UBE2E2: variants seen among roughly 807,000 people sequenced by gnomAD.
UBE2E2 encodes the protein ubiquitin conjugating enzyme E2 E2.
A neutral mutation model predicts 24.7 loss-of-function variants in UBE2E2; 6 were observed. That is an observed-to-expected ratio of 0.24 (90% CI 0.13 to 0.48). The LOEUF is 0.48. UBE2E2 is among the 20% of genes least tolerant of loss of function. UBE2E2 has a pLI of 0.99. For missense variants in UBE2E2, 169 were observed against 245.0 expected, an observed-to-expected ratio of 0.69 and a Z score of 2.07; for synonymous variants, 104 against 83.6, an observed-to-expected ratio of 1.24 and a Z score of -1.33.
intron 3 of UBE2E2, among the ~76,000 whole-genome samples, chr3:23,385,539 G>C (rs188885033): frequency 6.6e-6 from 1 of 152,304 alleles, no homozygotes; most frequent in East Asian, 1.9e-4. Flanking sequence ...CTGTAATCCT[G>C]CCTTGTCTGT....
At chr3:23,303,913 C>T (rs1699174585) in intron 3 of UBE2E2, among the ~76,000 whole-genome samples, 1 of 152,136 alleles carries the variant, frequency 6.6e-6, no homozygotes, top group Non-Finnish European at 1.5e-5. Context: ...AAATTTCAAC[C>T]AATGTAATTA....
intron 3 of UBE2E2, among the ~76,000 whole-genome samples, chr3:23,489,552 G>C (rs567070806): frequency 6.6e-6 from 1 of 152,336 alleles, no homozygotes; most frequent in South Asian, 2.1e-4. Flanking sequence ...AACTCTTACT[G>C]TTTCCATGGT....
At chr3:23,293,190 G>A (rs947478044) in intron 3 of UBE2E2, among the ~76,000 whole-genome samples, 31 of 152,316 alleles carry the variant, frequency 2.0e-4, no homozygotes, top group African/African-American at 2.9e-4. Context: ...TCATCCTAAC[G>A]TTAGTCGTTG....
At chr3:23,401,806 G>A (rs1204105510) in intron 3 of UBE2E2, among the ~76,000 whole-genome samples, 3 of 149,536 alleles carry the variant, frequency 2.0e-5, no homozygotes, top group African/African-American at 4.9e-5. Context: ...TCAGCCTCCC[G>A]AGTAGCTTGG....
At position 23,229,793 on chromosome 3, in the gene UBE2E2, G is replaced by A. The variant is rs185088336; in HGVS notation, c.227+12481G>A. Among the ~76,000 whole-genome samples the A allele has an allele frequency of 6.3e-3, 963 of 152,286 alleles. 14 individuals are homozygous for A. The highest frequency in any genetic ancestry group is 0.021 in the African/African-American group (891 of 41,548). ...GTACAGTGGCCACTAGCCATATGTG[G>A]ACATCGAGTATTTGAAAGGTGACTA... On this transcript the variant is annotated intron_variant, in intron 3 of 5. Coordinates refer to ENST00000396703, the MANE Select transcript of UBE2E2 (RefSeq NM_152653.4).
intron 1 of UBE2E2, chr3:23,204,679 C>T (rs1319862277): frequency 4.1e-6 from 4 of 984,892 alleles, no homozygotes; most frequent in Non-Finnish European, 4.8e-6. Flanking sequence ...ATTCTCTTTC[C>T]CCTGCAGCAC....
At position 23,521,424 on chromosome 3, in the gene UBE2E2, T is replaced by C. The variant is rs554183714; in HGVS notation, c.361-11130T>C. 9.8e-5 allele frequency among the ~76,000 whole-genome samples: 15 copies of C among 152,368 alleles called. No individual in the cohort carries two copies. The South Asian group carries it at 1.7e-3, about 17-fold the overall frequency. ...AATTGTTGTTATGTATGAGACACTT[T>C]TGCAGTTCTAAAGCCAGAAATGAAT... On this transcript the variant is annotated intron_variant, in intron 4 of 5. Transcript: ENST00000396703.
chr3:23,403,646 C>T (rs1048349683), intron 3 of UBE2E2, among the ~76,000 whole-genome samples: 25 of 152,048 alleles, frequency 1.6e-4, no homozygotes, highest in African/African-American at 6.0e-4. Context: ...CATGGTGAAA[C>T]CCGGTCTCTA....
intron 5 of UBE2E2, among the ~76,000 whole-genome samples, chr3:23,557,788 T>G (rs1444057951): frequency 2.0e-5 from 3 of 152,194 alleles, no homozygotes; most frequent in Non-Finnish European, 4.4e-5. Flanking sequence ...ATCTATAACT[T>G]TTTCCAAAGG....
chr3:23,436,335 G>A (rs191434546), intron 3 of UBE2E2, among the ~76,000 whole-genome samples: 1 of 152,128 alleles, frequency 6.6e-6, no homozygotes, highest in Admixed American at 6.5e-5. Flanking sequence ...GCTGTTCCAT[G>A]ATATTTTTCT....
chr3:23,478,890 A>T lies in UBE2E2; in HGVS notation c.228-20718A>T, dbSNP rs1016287622. On this transcript the variant is annotated intron_variant, in intron 3 of 5. Transcript: ENST00000396703. The stretch of plus-strand genomic sequence containing the variant: ...AGCCCATCTGTACAAATATATATAT[A>T]TATATATTTTTTTTTTAATTAGCTG... 8.1e-5 allele frequency among the ~76,000 whole-genome samples: 3 copies of T among 37,144 alleles called. No individual in the cohort carries two copies. The East Asian group carries it at 2.2e-3, about 27-fold the overall frequency. 24.4% of individuals were successfully genotyped at this position (37,144 alleles called of 152,430 possible).
chr3:23,354,458 G>C (rs1023157705), intron 3 of UBE2E2, among the ~76,000 whole-genome samples: 8 of 152,094 alleles, frequency 5.3e-5, no homozygotes, highest in African/African-American at 1.9e-4. Flanking sequence ...CTGCAAAATG[G>C]GTGAAAATTT....
chr3:23,567,324 C>G (rs1696100179), intron 5 of UBE2E2, among the ~76,000 whole-genome samples: 1 of 152,138 alleles, frequency 6.6e-6, no homozygotes, highest in Non-Finnish European at 1.5e-5. Flanking sequence ...TGTGTGTGGA[C>G]AGAATTTCGT....
At chr3:23,257,520 C>G (rs1350883276) in intron 3 of UBE2E2, among the ~76,000 whole-genome samples, 3 of 64,872 alleles carry the variant, frequency 4.6e-5, no homozygotes, top group Non-Finnish European at 9.8e-5. Flanking sequence ...GTGCCCCCCC[C>G]CCCCCCCCAC....
intron 5 of UBE2E2, among the ~76,000 whole-genome samples, chr3:23,541,271 T>G (rs1366519963): frequency 6.6e-6 from 1 of 152,240 alleles, no homozygotes; most frequent in Non-Finnish European, 1.5e-5. Flanking sequence ...TGACTCAACT[T>G]TTCATTCAGT....
intron 3 of UBE2E2, among the ~76,000 whole-genome samples, chr3:23,269,840 C>T (rs1490591800): frequency 6.6e-6 from 1 of 151,696 alleles, no homozygotes; most frequent in East Asian, 1.9e-4. Flanking sequence ...GGTGAGATGC[C>T]CAGTAGAAAA....
intron 5 of UBE2E2, among the ~76,000 whole-genome samples, chr3:23,563,533 T>C (rs1695987535): frequency 6.6e-6 from 1 of 152,194 alleles, no homozygotes; most frequent in Non-Finnish European, 1.5e-5. Flanking sequence ...CTGAGAAGAA[T>C]GTATATTCTG....
chr3:23,568,644 C>T (rs555788757), intron 5 of UBE2E2, among the ~76,000 whole-genome samples: 25 of 146,166 alleles, frequency 1.7e-4, no homozygotes, highest in Non-Finnish European at 2.5e-4. Context: ...TACATATATA[C>T]GCACATATAT....
intron 3 of UBE2E2, among the ~76,000 whole-genome samples, chr3:23,351,991 C>T (rs1326125330): frequency 1.3e-5 from 2 of 152,150 alleles, no homozygotes; most frequent in Non-Finnish European, 2.9e-5. Flanking sequence ...AAGTAAAGCT[C>T]TCCTCAGCAA....
Sources: allele counts gnomAD v4.1 joint callset (sites outside exome capture counted in the v4.1 genomes callset), GRCh38; gene constraint gnomAD v4.1.1; transcripts MANE v1.5; gene names NCBI Gene and HGNC (gene_info 2026-07-23, HGNC 2026-07-21).